The following DIAPH2 variants were observed in gnomAD, a reference collection of about 807,000 sequenced individuals.
DIAPH2 encodes the protein protein diaphanous homolog 2.
In DIAPH2, 35 loss-of-function variants were observed where a neutral mutation model predicts 92.7. The observed-to-expected ratio is 0.38, with a 90% confidence interval of 0.29 to 0.50. The LOEUF (loss-of-function observed/expected upper bound fraction) is 0.50, where lower values mean the gene tolerates loss of function less well. Among genes scored for constraint, DIAPH2 ranks in the 20% least tolerant of loss-of-function variants. DIAPH2 has a pLI of 0.94. For synonymous variants in DIAPH2, 301 were observed against 280.4 expected, an observed-to-expected ratio of 1.07 and a Z score of -0.73; for missense variants, 701 against 819.5, an observed-to-expected ratio of 0.86 and a Z score of 1.77.
At chrX:97,177,946 C>A (rs1030672281) in intron 22 of DIAPH2, among the ~76,000 whole-genome samples, 1 of 111,444 alleles carries the variant, frequency 9.0e-6, no homozygotes. Context: ...CGGTGGTTTG[C>A]CCCTGTAATC....
chrX:96,869,100 A>C (rs1394543121), intron 4 of DIAPH2, among the ~76,000 whole-genome samples: 1 of 111,258 alleles, frequency 9.0e-6, no homozygotes, highest in Non-Finnish European at 1.9e-5. Context: ...AAAAAATCAT[A>C]TGTGGGATAT....
intron 23 of DIAPH2, among the ~76,000 whole-genome samples, chrX:97,345,736 A>T (rs1296819418): frequency 8.9e-6 from 1 of 111,810 alleles, no homozygotes; most frequent in African/African-American, 3.2e-5. Context: ...ACTCTAATTT[A>T]AACTGTTGAT....
chrX:97,431,058 T>A (rs2070121741), intron 26 of DIAPH2, among the ~76,000 whole-genome samples: 1 of 112,198 alleles, frequency 8.9e-6, no homozygotes, highest in Non-Finnish European at 1.9e-5. Context: ...TCTGTATTTA[T>A]AAGTTCATAT....
chrX:97,102,838 G>A, intron 20 of DIAPH2, among the ~76,000 whole-genome samples: 1 of 111,455 alleles, frequency 9.0e-6, no homozygotes, highest in East Asian at 2.8e-4. Flanking sequence ...TACACAGGAG[G>A]CTGAGGCAGG....
chrX:97,212,598 T>G (rs775594886), intron 22 of DIAPH2, among the ~76,000 whole-genome samples: 29 of 106,957 alleles, frequency 2.7e-4, no homozygotes, highest in African/African-American at 8.1e-4. Flanking sequence ...TTGTTTTTTT[T>G]TTTTTTTTTT....
At chrX:97,406,437 G>A (rs2069810581) in intron 25 of DIAPH2, among the ~76,000 whole-genome samples, 1 of 111,688 alleles carries the variant, frequency 9.0e-6, no homozygotes, top group South Asian at 3.7e-4. Flanking sequence ...GTTCAAGACA[G>A]TGCTAATGTG....
chrX:97,225,531 A>G (rs1003445001), intron 22 of DIAPH2, among the ~76,000 whole-genome samples: 4 of 111,476 alleles, frequency 3.6e-5, no homozygotes, highest in African/African-American at 1.3e-4. Flanking sequence ...TGATTAATTG[A>G]CCTTGCGTGA....
intron 23 of DIAPH2, among the ~76,000 whole-genome samples, chrX:97,299,542 C>T (rs1387115970): frequency 8.9e-6 from 1 of 111,950 alleles, no homozygotes; most frequent in East Asian, 2.8e-4. Context: ...TTTTGAGATA[C>T]TGCGAGATTC....
At chrX:97,259,577 A>G (rs773152605) in intron 23 of DIAPH2, among the ~76,000 whole-genome samples, 12 of 111,476 alleles carry the variant, frequency 1.1e-4, no homozygotes, top group Admixed American at 1.0e-3. Flanking sequence ...CCTGCCAACT[A>G]CTGATCCAAG....
At chrX:96,931,545 C>T (rs1459484129) in intron 10 of DIAPH2, among the ~76,000 whole-genome samples, 3 of 109,828 alleles carry the variant, frequency 2.7e-5, no homozygotes, top group African/African-American at 9.9e-5. Flanking sequence ...CTTTAAGCTA[C>T]TCAGAATATA....
At chrX:97,407,683 T>G (rs1452327729) in intron 25 of DIAPH2, among the ~76,000 whole-genome samples, 2 of 112,163 alleles carry the variant, frequency 1.8e-5, no homozygotes, top group South Asian at 3.7e-4. Context: ...AAGCAAGAAA[T>G]TAAGTGCCTA....
intron 5 of DIAPH2, among the ~76,000 whole-genome samples, chrX:96,886,014 AT>A (rs910013857): frequency 4.5e-5 from 5 of 110,042 alleles, no homozygotes; most frequent in Admixed American, 9.7e-5. Context: ...TTCCTGTGTG[AT>A]TTTTTTTTCT....
At chrX:97,001,779 A>G (rs774845107) in intron 17 of DIAPH2, among the ~76,000 whole-genome samples, 1 of 111,763 alleles carries the variant, frequency 8.9e-6, no homozygotes, top group African/African-American at 3.2e-5. Flanking sequence ...ATGGAAGAAG[A>G]TCCTAGAAAC....
intron 17 of DIAPH2, among the ~76,000 whole-genome samples, chrX:97,001,528 C>T (rs926607323): frequency 9.0e-6 from 1 of 110,674 alleles, no homozygotes; most frequent in African/African-American, 3.3e-5. Context: ...CGCCTGTAAT[C>T]CCAGCTACTC....
At chrX:96,972,667 T>C (rs1489185809) in intron 17 of DIAPH2, among the ~76,000 whole-genome samples, 1 of 110,848 alleles carries the variant, frequency 9.0e-6, no homozygotes, top group African/African-American at 3.3e-5. Context: ...AAAAAGCTAC[T>C]GGGGTACAAA....
At position 96,685,376 on chromosome X, in the gene DIAPH2, C is replaced by T. The variant is rs1293867242; in HGVS notation, c.132+186C>T. Among the ~76,000 whole-genome samples, 3 of 112,118 alleles carry T rather than the reference C, an allele frequency of 2.7e-5. No homozygotes were observed. In the Admixed American group the frequency reaches 2.8e-4, roughly 10 times the overall value. ...GAGACGGCGTGGGGGCGGAAGAGCA[C>T]CCCCTTCTCTACTTAACCCCTTTCT... is the stretch of plus-strand genomic sequence containing the variant. On this transcript the variant is annotated intron_variant, in intron 1 of 26. Transcript: ENST00000324765.
At chrX:96,998,970 CT>C (rs2066123779) in intron 17 of DIAPH2, among the ~76,000 whole-genome samples, 1 of 112,294 alleles carries the variant, frequency 8.9e-6, no homozygotes, top group African/African-American at 3.2e-5. Flanking sequence ...GTTTTTATCA[CT>C]GTCAATAATG....
intron 1 of DIAPH2, among the ~76,000 whole-genome samples, chrX:96,719,533 G>A (rs1313752179): frequency 8.9e-6 from 1 of 111,841 alleles, no homozygotes; most frequent in Non-Finnish European, 1.9e-5. Context: ...TACATTTATT[G>A]AAGAAACTGT....
chrX:96,835,520 C>T (rs915836242), intron 4 of DIAPH2, among the ~76,000 whole-genome samples: 1 of 111,709 alleles, frequency 9.0e-6, no homozygotes, highest in Admixed American at 9.5e-5. Flanking sequence ...TTGTAATCAG[C>T]TTTCACCTTT....
Sources: allele counts gnomAD v4.1 joint callset (sites outside exome capture counted in the v4.1 genomes callset), GRCh38; gene constraint gnomAD v4.1.1; transcripts MANE v1.5; gene names NCBI Gene and HGNC (gene_info 2026-07-23, HGNC 2026-07-21).